The following LRRTM3 variants were observed in gnomAD, a reference collection of about 807,000 sequenced individuals.
The protein encoded by LRRTM3 is leucine-rich repeat transmembrane neuronal protein 3.
A neutral mutation model predicts 44.7 loss-of-function variants in LRRTM3; 24 were observed. That is an observed-to-expected ratio of 0.54 (90% CI 0.39 to 0.76). LRRTM3 has a LOEUF of 0.76. Among genes scored for constraint, LRRTM3 ranks in the 30% least tolerant of loss-of-function variants. LRRTM3 has a pLI of 0.00. For synonymous variants in LRRTM3, 277 were observed against 278.7 expected (o/e 0.99, Z 0.06); for missense variants, 587 against 702.2 (o/e 0.84, Z 1.85).
intron 2 of LRRTM3, among the ~76,000 whole-genome samples, chr10:66,990,378 C>T (rs1195744395): frequency 6.6e-6 from 1 of 152,190 alleles, no homozygotes. Context: ...TCCTTGTTTC[C>T]ATTTAAATAA....
At chr10:67,039,931 C>T (rs1488085773) in intron 2 of LRRTM3, among the ~76,000 whole-genome samples, 1 of 152,054 alleles carries the variant, frequency 6.6e-6, no homozygotes, top group Non-Finnish European at 1.5e-5. Context: ...ATAGCCAACC[C>T]ACCAATCTGT....
chr10:66,971,606 C>A (rs1589520339), intron 2 of LRRTM3, among the ~76,000 whole-genome samples: 1 of 152,030 alleles, frequency 6.6e-6, no homozygotes, highest in Admixed American at 6.6e-5. Flanking sequence ...TTATGTAATG[C>A]ACCTAGTAGA....
intron 2 of LRRTM3, among the ~76,000 whole-genome samples, chr10:67,085,327 C>A (rs1857244428): frequency 6.6e-6 from 1 of 151,522 alleles, no homozygotes; most frequent in Admixed American, 6.6e-5. Context: ...AAAAGAAATA[C>A]TACATCCTAT....
At chr10:67,004,947 C>G (rs189940876) in intron 2 of LRRTM3, among the ~76,000 whole-genome samples, 43 of 152,136 alleles carry the variant, frequency 2.8e-4, no homozygotes, top group African/African-American at 1.0e-3. Flanking sequence ...TGTATTACCC[C>G]CAAAGAAAAG....
chr10:67,058,865 TAAAATGAAGATACTTAGTATGACTAC>T (rs1855593270), intron 2 of LRRTM3, among the ~76,000 whole-genome samples: 1 of 152,132 alleles, frequency 6.6e-6, no homozygotes, highest in African/African-American at 2.4e-5. Flanking sequence ...TCTAAGATCA[TAAAATGAAGATACTTAGTATGACTAC>T]ACCTGCCTAT....
intron 2 of LRRTM3, among the ~76,000 whole-genome samples, chr10:66,957,374 A>T (rs545144564): frequency 9.2e-6 from 1 of 108,822 alleles, no homozygotes; most frequent in East Asian, 2.6e-4. Flanking sequence ...TATCCAGAAT[A>T]TGTGTGTGTA....
chr10:67,045,922 A>C (rs1405858511), intron 2 of LRRTM3, among the ~76,000 whole-genome samples: 1 of 152,230 alleles, frequency 6.6e-6, no homozygotes, highest in Non-Finnish European at 1.5e-5. Context: ...AAAAATGCAC[A>C]AGAACTTCTC....
chr10:67,010,681 C>G (rs925894317), intron 2 of LRRTM3, among the ~76,000 whole-genome samples: 1 of 152,140 alleles, frequency 6.6e-6, no homozygotes, highest in Admixed American at 6.5e-5. Flanking sequence ...TTTTCCAATG[C>G]TTTTGTATAG....
In LRRTM3 at chr10:66,927,979, G is replaced by T. The variant is rs1441518688; in HGVS notation, c.1063G>T (p.Val355Leu). 8 of 1,614,128 alleles carry T rather than the reference G, an allele frequency of 5.0e-6. No individual in the cohort carries two copies. Among genetic ancestry groups the T allele is most frequent in the Non-Finnish European group, 6.8e-6 (8 of 1,180,060 alleles). ...ELQGVNVIDA[V>L]KNYSICGKST... Reference sequence around the variant, plus strand: ...GCAAGGAGTAAATGTGATCGATGCAGTGAAGAACTACAGCATCTGTGGCAA... The same window carrying T: ...GCAAGGAGTAAATGTGATCGATGCATTGAAGAACTACAGCATCTGTGGCAA... Residue 355 changes from valine (V) to leucine (L), a missense_variant, in exon 2 of 3, where the codon GTG becomes TTG. Physicochemically the swap from Val to Leu is conservative, Grantham distance 32. This residue lies in a region of LRRTM3 where 315 missense variants were observed against 335.6 expected (regional missense o/e 0.94). Coordinates refer to ENST00000361320, the MANE Select transcript of LRRTM3 (RefSeq NM_178011.5). The surrounding 1 kb of genome is among the most constrained non-coding windows in gnomAD (Gnocchi z 4.7).
intron 2 of LRRTM3, among the ~76,000 whole-genome samples, chr10:66,935,502 T>C (rs1847645778): frequency 1.3e-5 from 2 of 152,124 alleles, no homozygotes; most frequent in South Asian, 4.2e-4. Context: ...CTGGCACCAA[T>C]AGAGGGTTAG....
chr10:66,987,032 G>C (rs1481839121), intron 2 of LRRTM3, among the ~76,000 whole-genome samples: 1 of 152,084 alleles, frequency 6.6e-6, no homozygotes, highest in Non-Finnish European at 1.5e-5. Flanking sequence ...AAACCAAGCA[G>C]ATATACAAGA....
chr10:66,967,115 T>C (rs964589019), intron 2 of LRRTM3, among the ~76,000 whole-genome samples: 11 of 152,092 alleles, frequency 7.2e-5, no homozygotes, highest in Admixed American at 7.2e-4. Context: ...TTGATGGTTC[T>C]GCTAATGAAA....
chr10:66,994,045 T>C (rs867612587), intron 2 of LRRTM3, among the ~76,000 whole-genome samples: 7 of 152,176 alleles, frequency 4.6e-5, no homozygotes, highest in Admixed American at 2.6e-4. Flanking sequence ...GATTTAATTT[T>C]CCATTTGTAA....
intron 2 of LRRTM3, 22 bp downstream of exon 2, chr10:66,928,474 A>C (rs758973223): frequency 6.4e-7 from 1 of 1,561,130 alleles, no homozygotes; most frequent in East Asian, 2.2e-5. Context: ...TGTGATAAAA[A>C]GAGCTCTTAA....
intron 2 of LRRTM3, among the ~76,000 whole-genome samples, chr10:66,978,552 A>AAAAAAATAT: frequency 5.3e-5 from 2 of 37,880 alleles, no homozygotes; most frequent in African/African-American, 1.7e-4. Context: ...AAAAAAAAAA[A>AAAAAAATAT]ATATATATAT....
intron 2 of LRRTM3, among the ~76,000 whole-genome samples, chr10:67,033,543 T>C (rs1853862295): frequency 6.6e-6 from 1 of 152,234 alleles, no homozygotes; most frequent in African/African-American, 2.4e-5. Flanking sequence ...CATAGTTCAC[T>C]TCTACTACTT....
At position 67,072,766 on chromosome 10, in the gene LRRTM3, C is replaced by T. The variant is rs148043987; in HGVS notation, c.1537-24821C>T. ...CTTTATCTTAGGGCCCTAACAGCTA[C>T]AAAATTTGGTAAATATCTTCAAAAA... On this transcript the variant is annotated intron_variant, in intron 2 of 2. Transcript: ENST00000361320. 6.6e-5 allele frequency among the ~76,000 whole-genome samples: 10 copies of T among 152,282 alleles called. No homozygotes were observed. In the East Asian group the frequency reaches 1.9e-3, roughly 29 times the overall value.
chr10:66,932,747 T>A (rs1158122525), intron 2 of LRRTM3, among the ~76,000 whole-genome samples: 1 of 152,190 alleles, frequency 6.6e-6, no homozygotes, highest in African/African-American at 2.4e-5. Context: ...TTCCTAATCA[T>A]AATAGCCTAC....
intron 2 of LRRTM3, among the ~76,000 whole-genome samples, chr10:66,983,408 C>T (rs982519470): frequency 3.9e-5 from 6 of 152,078 alleles, no homozygotes; most frequent in African/African-American, 9.7e-5. Flanking sequence ...GAGTTTTGTA[C>T]GGGTGCCCAG....
Sources: gnomAD v4.1 joint callset for allele counts (sites outside exome capture counted in the v4.1 genomes callset) on GRCh38, gnomAD v4.1.1 for gene constraint, gnomAD v4.1.1 regional missense constraint, Gnocchi (gnomAD v3.1) non-coding constraint, MANE v1.5 for transcripts, NCBI Gene and HGNC (gene_info 2026-07-23, HGNC 2026-07-21) for gene names.